HS3ST4: variants seen among roughly 807,000 people sequenced by gnomAD.
HS3ST4 encodes the protein heparan sulfate-glucosamine 3-sulfotransferase 4.
A neutral mutation model predicts 29.2 loss-of-function variants in HS3ST4; 17 were observed. That is an observed-to-expected ratio of 0.58 (90% CI 0.40 to 0.87). The LOEUF is 0.87. HS3ST4 is among the 40% of genes least tolerant of loss of function. The probability of loss-of-function intolerance (pLI) is 0.00; values close to 1 mark genes in which losing one functional copy is unlikely to be tolerated. For missense variants in HS3ST4, 627 were observed against 634.5 expected, an observed-to-expected ratio of 0.99 and a Z score of 0.13; for synonymous variants, 314 against 285.7, an observed-to-expected ratio of 1.10 and a Z score of -1.00.
chr16:25,865,115 G>C (rs1470679104), intron 1 of HS3ST4, among the ~76,000 whole-genome samples: 1 of 152,118 alleles, frequency 6.6e-6, no homozygotes, highest in Non-Finnish European at 1.5e-5. Context: ...GCATGAGAAT[G>C]CAAATATGTC....
At chr16:25,758,316 A>G (rs1243079946) in intron 1 of HS3ST4, among the ~76,000 whole-genome samples, 1 of 152,160 alleles carries the variant, frequency 6.6e-6, no homozygotes, top group Admixed American at 6.5e-5. Context: ...ACAAATGTTA[A>G]TCATGGTCTC....
chr16:25,852,472 G>A (rs969119777), intron 1 of HS3ST4, among the ~76,000 whole-genome samples: 2 of 151,682 alleles, frequency 1.3e-5, no homozygotes, highest in Non-Finnish European at 2.9e-5. Context: ...CTAATTACTA[G>A]TAAACTTGAC....
chr16:25,872,507 T>C (rs923680670), intron 1 of HS3ST4, among the ~76,000 whole-genome samples: 4 of 152,222 alleles, frequency 2.6e-5, no homozygotes, highest in Admixed American at 1.3e-4. Context: ...ATGGTCCCAT[T>C]CATGTTTGGC....
chr16:25,813,558 T>C lies in HS3ST4; in HGVS notation c.734+120407T>C, dbSNP rs1038811942. On this transcript the variant is annotated intron_variant, in intron 1 of 1. Transcript: ENST00000331351. ...GTTGTGGTGAGCCGAGATCACGCCA[T>C]TGCAATCTAGCCTGGGCAGCAACAG... Among the ~76,000 whole-genome samples, 23 of 152,294 alleles carry C rather than the reference T, an allele frequency of 1.5e-4. No homozygotes were observed. The East Asian group carries it at 4.2e-3, about 28-fold the overall frequency.
chr16:25,974,180 A>G (rs1968921834), intron 1 of HS3ST4, among the ~76,000 whole-genome samples: 1 of 152,022 alleles, frequency 6.6e-6, no homozygotes, highest in Non-Finnish European at 1.5e-5. Context: ...TCACCTTTAC[A>G]TTTCTCTTAG....
chr16:26,110,741 A>T (rs115793605), intron 1 of HS3ST4, among the ~76,000 whole-genome samples: 1 of 152,146 alleles, frequency 6.6e-6, no homozygotes, highest in Non-Finnish European at 1.5e-5. Context: ...CTCAGAAACT[A>T]CTGAGGACTC....
At chr16:25,894,956 A>C (rs1003472274) in intron 1 of HS3ST4, among the ~76,000 whole-genome samples, 1 of 152,236 alleles carries the variant, frequency 6.6e-6, no homozygotes, top group African/African-American at 2.4e-5. Context: ...CAGGCACTGG[A>C]CAATAGTGAT....
intron 1 of HS3ST4, among the ~76,000 whole-genome samples, chr16:26,068,336 G>A (rs1261333859): frequency 6.6e-6 from 1 of 152,146 alleles, no homozygotes; most frequent in Non-Finnish European, 1.5e-5. Context: ...ATTTGACTGT[G>A]ACATGGCATC....
intron 1 of HS3ST4, among the ~76,000 whole-genome samples, chr16:25,920,342 C>A (rs925597730): frequency 3.3e-5 from 5 of 152,150 alleles, no homozygotes; most frequent in Non-Finnish European, 7.3e-5. Context: ...CTGGCTCCAT[C>A]AAAGCCGTAC....
chr16:26,107,258 C>T (rs1225983411), intron 1 of HS3ST4, among the ~76,000 whole-genome samples: 1 of 151,960 alleles, frequency 6.6e-6, no homozygotes, highest in African/African-American at 2.4e-5. Context: ...ACTACACACA[C>T]ACACACATAT....
Position 25,880,155 on chromosome 16 carries a change from C to T in HS3ST4, c.734+187004C>T, listed in dbSNP as rs538452485. On this transcript the variant is annotated intron_variant, in intron 1 of 1. Transcript: ENST00000331351. ...TTTTTCCTGAGACTTAAGGTTATAA[C>T]AGTTTCTCTCTTAGTATCAAGCAAC... Among the ~76,000 whole-genome samples, 3 of 152,276 alleles carry T rather than the reference C, an allele frequency of 2.0e-5. No homozygotes were observed. The South Asian group carries it at 6.2e-4, about 32-fold the overall frequency.
intron 1 of HS3ST4, among the ~76,000 whole-genome samples, chr16:25,817,310 T>TC (rs1409635619): frequency 6.6e-6 from 1 of 152,200 alleles, no homozygotes; most frequent in Non-Finnish European, 1.5e-5. Flanking sequence ...ACGCCACTAC[T>TC]CCAAGATTCT....
At chr16:25,693,221 C>T (rs996529443) in intron 1 of HS3ST4, 70 bp downstream of exon 1, 7 of 1,448,812 alleles carry the variant, frequency 4.8e-6, no homozygotes. Flanking sequence ...CGCGGCTTTC[C>T]ACGCCCTTCG....
chr16:25,814,178 C>T (rs1412708054), intron 1 of HS3ST4, among the ~76,000 whole-genome samples: 1 of 152,060 alleles, frequency 6.6e-6, no homozygotes, highest in Admixed American at 6.5e-5. Flanking sequence ...TACATGGCTT[C>T]ATTAAGTTGA....
At chr16:26,034,138 C>T (rs1300006365) in intron 1 of HS3ST4, among the ~76,000 whole-genome samples, 2 of 152,088 alleles carry the variant, frequency 1.3e-5, no homozygotes, top group Non-Finnish European at 2.9e-5. Flanking sequence ...AGTCTCTGCT[C>T]TCAGGCTCTG....
chr16:25,911,690 G>A lies in HS3ST4; in HGVS notation c.734+218539G>A, dbSNP rs561318631. Among the ~76,000 whole-genome samples, 7 of 151,670 alleles carry A rather than the reference G, an allele frequency of 4.6e-5. No homozygotes were observed. The East Asian group carries it at 1.2e-3, about 25-fold the overall frequency. ...ATACCTGGCTCATTTTTAATTTTTT[G>A]TAGAGATGGGACCTCTCTATGTTGC... is the stretch of plus-strand genomic sequence containing the variant. On this transcript the variant is annotated intron_variant, in intron 1 of 1. Transcript: ENST00000331351.
At chr16:26,025,691 TG>T (rs1969463755) in intron 1 of HS3ST4, among the ~76,000 whole-genome samples, 1 of 152,222 alleles carries the variant, frequency 6.6e-6, no homozygotes, top group African/African-American at 2.4e-5. Flanking sequence ...TGTCACATCA[TG>T]GGATCGTAGG....
Position 25,807,393 on chromosome 16 carries a change from G to A in HS3ST4, c.734+114242G>A, listed in dbSNP as rs1285692981. Among the ~76,000 whole-genome samples, 12 of 152,330 alleles carry A rather than the reference G, an allele frequency of 7.9e-5. No individual in the cohort carries two copies. In the East Asian group the frequency reaches 2.1e-3, roughly 27 times the overall value. On this transcript the variant is annotated intron_variant, in intron 1 of 1. Transcript: ENST00000331351. ...AATTTTGCCATTGCAAAAACATTATGTAAATGGTACCATAAGATATGAAAC... is the reference window on the plus strand; with the variant it reads ...AATTTTGCCATTGCAAAAACATTATATAAATGGTACCATAAGATATGAAAC...
At chr16:25,829,056 C>T (rs538772929) in intron 1 of HS3ST4, among the ~76,000 whole-genome samples, 2 of 152,182 alleles carry the variant, frequency 1.3e-5, no homozygotes, top group East Asian at 1.9e-4. Flanking sequence ...GAGGCAATCA[C>T]GTTATCTTTA....
Sources: gnomAD v4.1 joint callset for allele counts (sites outside exome capture counted in the v4.1 genomes callset) on GRCh38, gnomAD v4.1.1 for gene constraint, MANE v1.5 for transcripts, NCBI Gene and HGNC (gene_info 2026-07-23, HGNC 2026-07-21) for gene names.